Variants in MAP3K9 observed in about 807,000 individuals in gnomAD.
MAP3K9 encodes mixed lineage kinase 1 (tyr and ser/thr specificity).
A neutral mutation model predicts 95.8 loss-of-function variants in MAP3K9; 46 were observed. The observed-to-expected ratio is 0.48, with a 90% CI of 0.38 to 0.61. The LOEUF (loss-of-function observed/expected upper bound fraction) is 0.61, where lower values mean the gene tolerates loss of function less well. Among genes scored for constraint, MAP3K9 ranks in the 20% least tolerant of loss-of-function variants. The pLI, the probability that MAP3K9 is intolerant of heterozygous loss-of-function variation, is 0.00. For synonymous variants in MAP3K9, 533 were observed against 593.8 expected, an observed-to-expected ratio of 0.90 and a Z score of 1.49; for missense variants, 1,296 against 1,474.3, an observed-to-expected ratio of 0.88 and a Z score of 1.98.
chr14:70,792,223 CA>C (rs2054814967), intron 2 of MAP3K9, among the ~76,000 whole-genome samples: 1 of 152,226 alleles, frequency 6.6e-6, no homozygotes, highest in Non-Finnish European at 1.5e-5. Flanking sequence ...TAGCCTCCTG[CA>C]ACCAAAAGAT....
At chr14:70,796,951 T>A (rs1332826003) in intron 2 of MAP3K9, among the ~76,000 whole-genome samples, 1 of 152,246 alleles carries the variant, frequency 6.6e-6, no homozygotes, top group East Asian at 1.9e-4. Context: ...TCGGGCTACG[T>A]ACGGTCAATC....
At chr14:70,797,632 G>A (rs1438942714) in intron 2 of MAP3K9, among the ~76,000 whole-genome samples, 1 of 152,098 alleles carries the variant, frequency 6.6e-6, no homozygotes, top group Non-Finnish European at 1.5e-5. Context: ...CAGCTACTCA[G>A]GAGGCCGAGG....
chr14:70,765,533 T>C (rs1711541758), intron 2 of MAP3K9: 5 of 648,606 alleles, frequency 7.7e-6, no homozygotes, highest in Non-Finnish European at 1.4e-5. Context: ...ATTTTTACTG[T>C]ACCTTTTCTA....
At chr14:70,787,152 A>G (rs2054755140) in intron 2 of MAP3K9, among the ~76,000 whole-genome samples, 1 of 152,022 alleles carries the variant, frequency 6.6e-6, no homozygotes. Context: ...TTCCTGTTAT[A>G]TTGCCTCATA....
Position 70,732,534 on chromosome 14 carries a change from C to A in MAP3K9, c.2830+5G>T. 2 of 1,540,594 alleles carry A rather than the reference C, an allele frequency of 1.3e-6. No homozygotes were observed. Among genetic ancestry groups the A allele is most frequent in the Non-Finnish European group, 1.7e-6 (2 of 1,144,952 alleles). On this transcript the variant is annotated splice_donor_5th_base_variant and intron_variant, in intron 11 of 11. Transcript: ENST00000554752. Reference sequence around the variant, plus strand: ...AAGGAAAGAGAAAAGAGGAAGAAGACTCACCTGCTCCAGGACTGGGGCTCA... The same window carrying A: ...AAGGAAAGAGAAAAGAGGAAGAAGAATCACCTGCTCCAGGACTGGGGCTCA...
chr14:70,808,980 C>A lies in MAP3K9; in HGVS notation c.192G>T (p.Glu64Asp). Reference protein sequence around the residue: ...LPYWTAVFEYEAAGEDELTLR... With the variant: ...LPYWTAVFEYDAAGEDELTLR... The stretch of plus-strand genomic sequence containing the variant: ...GGGTCAGCTCGTCCTCGCCCGCCGC[C>A]TCGTACTCGAACACGGCCGTCCAGT... The change falls in exon 1 of 12, where the codon GAG becomes GAT. Residue 64 changes from glutamate to aspartate, a missense_variant. Physicochemically the swap from Glu to Asp is conservative, Grantham distance 45. Around this residue, in one of 5 missense-constraint regions of MAP3K9, gnomAD observed 338 missense variants for 363.4 expected, o/e 0.93. Transcript: ENST00000554752. 1.3e-6 allele frequency: 2 copies of A among 1,566,108 alleles called. No individual in the cohort carries two copies. Among genetic ancestry groups the A allele is most frequent in the South Asian group, 2.3e-5 (2 of 85,484 alleles).
chr14:70,794,200 C>A (rs971165387), intron 2 of MAP3K9, among the ~76,000 whole-genome samples: 2 of 152,180 alleles, frequency 1.3e-5, no homozygotes, highest in African/African-American at 4.8e-5. Context: ...GAGAAGGCAG[C>A]AAAGATCTCA....
Position 70,800,854 on chromosome 14 carries a change from C to T in MAP3K9, c.633G>A (p.Leu211=). ...TGACCAAGCAGAGGTTGGGCTCCTT[C>T]AGACATACCCCTCTTAGGGCAATGA... ...PNIIALRGVC[L]KEPNLCLVME... The change falls in exon 2 of 12, where the codon CTG becomes CTA. Residue 211 remains leucine, a synonymous_variant. Coordinates refer to ENST00000554752, the MANE Select transcript of MAP3K9 (RefSeq NM_001284230.2). 1 of 1,614,176 alleles carries T rather than the reference C, an allele frequency of 6.2e-7. No homozygotes were observed. The highest frequency in any genetic ancestry group is 1.3e-5 in the African/African-American group (1 of 75,030).
intron 2 of MAP3K9, among the ~76,000 whole-genome samples, chr14:70,765,989 T>A (rs1282067191): frequency 6.6e-6 from 1 of 151,088 alleles, no homozygotes; most frequent in East Asian, 1.9e-4. Context: ...GGCCAGGCAG[T>A]GGAACAGAAA....
At chr14:70,774,664 A>G (rs1014074089) in intron 2 of MAP3K9, among the ~76,000 whole-genome samples, 15 of 151,076 alleles carry the variant, frequency 9.9e-5, no homozygotes, top group African/African-American at 3.7e-4. Context: ...GAGAGACTCC[A>G]TCTCAAAAAC....
intron 2 of MAP3K9, among the ~76,000 whole-genome samples, chr14:70,776,304 A>C (rs1594797934): frequency 6.6e-6 from 1 of 152,238 alleles, no homozygotes; most frequent in South Asian, 2.1e-4. Context: ...GCATCTCCCC[A>C]GGCATAATTT....
intron 2 of MAP3K9, among the ~76,000 whole-genome samples, chr14:70,766,479 C>T (rs1402555281): frequency 6.6e-6 from 1 of 152,194 alleles, no homozygotes; most frequent in Non-Finnish European, 1.5e-5. Flanking sequence ...GTCCCTGACA[C>T]ACAATAACCA....
At chr14:70,738,672 G>A (rs910063578) in intron 7 of MAP3K9, among the ~76,000 whole-genome samples, 9 of 152,164 alleles carry the variant, frequency 5.9e-5, no homozygotes, top group African/African-American at 1.9e-4. Context: ...AGACATCAGA[G>A]TTCCAAACAG....
In MAP3K9 at chr14:70,761,213, A is replaced by G. The variant is rs1408381794; in HGVS notation, c.821-31T>C. ...CAAGGAAAAGAATACAGAAGAAACC[A>G]GAGTCTGCATTAATCACAGGGAAAC... On this transcript the variant is annotated intron_variant, in intron 2 of 11. Coordinates refer to ENST00000554752, the MANE Select transcript of MAP3K9 (RefSeq NM_001284230.2). 6 of 1,555,094 alleles carry G rather than the reference A, an allele frequency of 3.9e-6. No individual in the cohort carries two copies. In the Admixed American group the frequency reaches 5.6e-5, roughly 14 times the overall value.
intron 3 of MAP3K9, among the ~76,000 whole-genome samples, chr14:70,754,192 G>C (rs893271748): frequency 6.6e-6 from 1 of 152,128 alleles, no homozygotes; most frequent in East Asian, 1.9e-4. Flanking sequence ...TCAAAATGAT[G>C]ATGTATTTAT....
chr14:70,746,384 C>G (rs2054147347), intron 5 of MAP3K9, among the ~76,000 whole-genome samples: 1 of 152,194 alleles, frequency 6.6e-6, no homozygotes, highest in Admixed American at 6.5e-5. Context: ...GTTGAATCTC[C>G]TACTTTTGCA....
In MAP3K9 at chr14:70,728,404, G is replaced by C. The variant is rs557808942; in HGVS notation, c.*1976C>G. Reference sequence around the variant, plus strand: ...CTCCCAAAGCGCTGGGATTACAGGCGTGAGCCACCGCGCCCTGTCAGAACA... The same window carrying C: ...CTCCCAAAGCGCTGGGATTACAGGCCTGAGCCACCGCGCCCTGTCAGAACA... On this transcript the variant is annotated 3_prime_UTR_variant, in exon 12 of 12. Coordinates refer to ENST00000554752, the MANE Select transcript of MAP3K9 (RefSeq NM_001284230.2). 6.6e-6 allele frequency: 1 copy of C among 152,148 alleles called. No individual in the cohort carries two copies. Among genetic ancestry groups the C allele is most frequent in the Non-Finnish European group, 1.5e-5 (1 of 68,060 alleles). 9.4% of individuals were successfully genotyped at this position (152,148 alleles called of 1,614,324 possible).
At chr14:70,767,489 G>A (rs2054473357) in intron 2 of MAP3K9, among the ~76,000 whole-genome samples, 1 of 150,884 alleles carries the variant, frequency 6.6e-6, no homozygotes, top group Admixed American at 6.6e-5. Flanking sequence ...CCATCTTATT[G>A]TTGCCAGGTA....
intron 2 of MAP3K9, among the ~76,000 whole-genome samples, chr14:70,776,795 TA>T (rs2054605000): frequency 6.6e-6 from 1 of 151,100 alleles, no homozygotes; most frequent in Non-Finnish European, 1.5e-5. Context: ...CACTAGGCTA[TA>T]AAAACTATGA....
Sources: allele counts gnomAD v4.1 joint callset (sites outside exome capture counted in the v4.1 genomes callset), GRCh38; gene constraint gnomAD v4.1.1; regional missense constraint gnomAD v4.1.1; transcripts MANE v1.5; gene names NCBI Gene and HGNC (gene_info 2026-07-23, HGNC 2026-07-21).